CLYBL: variants seen among roughly 807,000 people sequenced by gnomAD.
The protein encoded by CLYBL is citramalyl-CoA lyase.
Under a neutral mutation model 38.9 loss-of-function variants are expected in CLYBL, and 31 were observed. The observed-to-expected ratio is 0.80, with a 90% confidence interval of 0.60 to 1.08. The LOEUF is 1.08. CLYBL is among the 50% of genes least tolerant of loss of function. CLYBL has a pLI of 0.00. For missense variants in CLYBL, 434 were observed against 411.6 expected (o/e 1.05, Z -0.47); for synonymous variants, 171 against 158.6 (o/e 1.08, Z -0.59).
intron 1 of CLYBL, among the ~76,000 whole-genome samples, chr13:99,647,623 G>A (rs1444737103): frequency 6.6e-6 from 1 of 152,204 alleles, no homozygotes; most frequent in Non-Finnish European, 1.5e-5. Context: ...GTAATTTTGG[G>A]GATAACAGCC....
chr13:99,818,556 C>T (rs1220857067), intron 2 of CLYBL, among the ~76,000 whole-genome samples: 1 of 152,164 alleles, frequency 6.6e-6, no homozygotes, highest in South Asian at 2.1e-4. Flanking sequence ...TATGCTAATC[C>T]TCTTTAATTG....
Position 99,907,598 on chromosome 13 carries a change from C to T in CLYBL, c.*161-457C>T, listed in dbSNP as rs549664139. Among the ~76,000 whole-genome samples the T allele has an allele frequency of 3.3e-5, 5 of 152,112 alleles. No individual in the cohort carries two copies. In the South Asian group the frequency reaches 1.0e-3, roughly 32 times the overall value. On this transcript the variant is annotated intron_variant and NMD_transcript_variant, in intron 9 of 9. Coordinates refer to the CLYBL transcript ENST00000689673. ...TTTAATTGGGCATGATGGGTCACAC[C>T]TGTAATCCCAGAGACTCAGGAGGCT... is the stretch of plus-strand genomic sequence containing the variant.
chr13:99,860,875 T>C (rs1370933617), intron 3 of CLYBL, among the ~76,000 whole-genome samples: 2 of 152,254 alleles, frequency 1.3e-5, no homozygotes, highest in Non-Finnish European at 2.9e-5. Context: ...TTGTCGCTAG[T>C]GTGGGTTCTT....
intron 1 of CLYBL, among the ~76,000 whole-genome samples, chr13:99,635,585 A>G (rs1265905135): frequency 6.6e-6 from 1 of 152,132 alleles, no homozygotes; most frequent in Non-Finnish European, 1.5e-5. Context: ...ACCTCCAGAG[A>G]TGCTGTGTCC....
chr13:99,834,417 G>A lies in CLYBL; in HGVS notation c.250-24444G>A, dbSNP rs1461616178. On this transcript the variant is annotated intron_variant, in intron 2 of 8. Transcript: ENST00000339105. ...GGCTTATGAGAGAAGGAATCCTAAGGCCTTCCCAGGTGGCCTGCAGGAGCC... is the reference window on the plus strand; with the variant it reads ...GGCTTATGAGAGAAGGAATCCTAAGACCTTCCCAGGTGGCCTGCAGGAGCC... 4.6e-5 allele frequency among the ~76,000 whole-genome samples: 7 copies of A among 152,116 alleles called. 1 individual carries two copies. In the South Asian group the frequency reaches 6.2e-4, roughly 14 times the overall value.
At chr13:99,608,195 C>T (rs1311373985) in intron 1 of CLYBL, among the ~76,000 whole-genome samples, 1 of 151,450 alleles carries the variant, frequency 6.6e-6, no homozygotes, top group Non-Finnish European at 1.5e-5. Context: ...CCGCAGCCTC[C>T]GGAGTAGTTG....
chr13:99,675,323 A>ATATACTTTGTGTC (rs2047628163), intron 1 of CLYBL, among the ~76,000 whole-genome samples: 1 of 151,858 alleles, frequency 6.6e-6, no homozygotes, highest in South Asian at 2.1e-4. Flanking sequence ...CTATATGTGT[A>ATATACTTTGTGTC]TATACTTTAT....
At chr13:99,818,869 T>C (rs1437874033) in intron 2 of CLYBL, among the ~76,000 whole-genome samples, 2 of 152,224 alleles carry the variant, frequency 1.3e-5, no homozygotes, top group Non-Finnish European at 2.9e-5. Flanking sequence ...TTCATAATTA[T>C]AAATGTTAAT....
chr13:99,644,339 T>A (rs1447620384), intron 1 of CLYBL, among the ~76,000 whole-genome samples: 1 of 152,162 alleles, frequency 6.6e-6, no homozygotes, highest in Non-Finnish European at 1.5e-5. Context: ...AAAAAAAAAT[T>A]TGAAAACTGT....
At chr13:99,753,611 CA>C (rs1163203886) in intron 1 of CLYBL, among the ~76,000 whole-genome samples, 3 of 152,184 alleles carry the variant, frequency 2.0e-5, no homozygotes, top group African/African-American at 7.2e-5. Flanking sequence ...TTTATTGATA[CA>C]TTTACCTACA....
intron 1 of CLYBL, among the ~76,000 whole-genome samples, chr13:99,632,427 A>G (rs1438434184): frequency 6.6e-6 from 1 of 152,264 alleles, no homozygotes; most frequent in Non-Finnish European, 1.5e-5. Flanking sequence ...CATATCGATC[A>G]TCATGTCCAG....
At chr13:99,834,593 T>C (rs1381238223) in intron 2 of CLYBL, among the ~76,000 whole-genome samples, 1 of 152,156 alleles carries the variant, frequency 6.6e-6, no homozygotes, top group Non-Finnish European at 1.5e-5. Flanking sequence ...TATCCTGGCA[T>C]ATGTAGCTCT....
At chr13:99,684,680 A>G (rs1566609402) in intron 1 of CLYBL, among the ~76,000 whole-genome samples, 1 of 152,182 alleles carries the variant, frequency 6.6e-6, no homozygotes, top group African/African-American at 2.4e-5. Flanking sequence ...AGCTTCATGT[A>G]TTTCTGCAAA....
chr13:99,626,157 C>T (rs779690822), intron 1 of CLYBL, among the ~76,000 whole-genome samples: 6 of 152,186 alleles, frequency 3.9e-5, no homozygotes, highest in Non-Finnish European at 8.8e-5. Context: ...AATACAGAGG[C>T]AGGGGTGGCT....
downstream of CLYBL, among the ~76,000 whole-genome samples, chr13:99,897,972 G>A (rs576127860): frequency 6.7e-6 from 1 of 150,138 alleles, no homozygotes; most frequent in South Asian, 2.1e-4. Context: ...AAAGAAAACT[G>A]GGCAGGTTCC....
chr13:99,817,889 A>G (rs2050492960), intron 2 of CLYBL, among the ~76,000 whole-genome samples: 1 of 152,028 alleles, frequency 6.6e-6, no homozygotes, highest in Admixed American at 6.6e-5. Flanking sequence ...CTCTAGTCTT[A>G]GCTACATGGG....
intron 1 of CLYBL, among the ~76,000 whole-genome samples, chr13:99,623,816 G>A (rs1170860414): frequency 1.3e-5 from 2 of 151,898 alleles, no homozygotes; most frequent in African/African-American, 2.4e-5. Flanking sequence ...AAAATTAGCC[G>A]GGCATGGTGG....
At chr13:99,904,648 G>A (rs993393973) in intron 8 of CLYBL, among the ~76,000 whole-genome samples, 2 of 146,338 alleles carry the variant, frequency 1.4e-5, no homozygotes, top group African/African-American at 2.7e-5. Flanking sequence ...AAATGGCAGC[G>A]TCGTGCTTCA....
At chr13:99,703,027 C>G (rs2139464484) in intron 1 of CLYBL, among the ~76,000 whole-genome samples, 1 of 152,322 alleles carries the variant, frequency 6.6e-6, no homozygotes, top group African/African-American at 2.4e-5. Context: ...TATTCATTGT[C>G]CTAGACTATT....
Sources: gnomAD v4.1 joint callset for allele counts (sites outside exome capture counted in the v4.1 genomes callset) on GRCh38, gnomAD v4.1.1 for gene constraint, MANE v1.5 for transcripts, NCBI Gene and HGNC (gene_info 2026-07-23, HGNC 2026-07-21) for gene names.